Variants in ME1 observed in about 807,000 individuals in gnomAD.
The protein encoded by ME1 is malic enzyme 1.
Under a neutral mutation model 66.4 loss-of-function variants are expected in ME1, and 74 were observed. That is an observed-to-expected ratio of 1.11 (90% CI 0.92 to 1.35). The LOEUF is 1.35. Ranked by LOEUF, ME1 falls within the 40% of genes most tolerant of loss-of-function variation. The pLI is 0.00. For synonymous variants in ME1, 251 were observed against 235.6 expected, an observed-to-expected ratio of 1.07 and a Z score of -0.60; for missense variants, 750 against 694.1, an observed-to-expected ratio of 1.08 and a Z score of -0.90.
At chr6:83,253,798 T>C in intron 6 of ME1, 60 bp from the exon 7 acceptor site, 1 of 862,802 alleles carries the variant, frequency 1.2e-6, no homozygotes, top group Non-Finnish European at 1.9e-6. Flanking sequence ...AAAAATAAAC[T>C]TTTAAAATTA....
Position 83,210,561 on chromosome 6 carries a change from C to G in ME1, c.*1363G>C, listed in dbSNP as rs1789854982. 3 of 152,486 alleles carry G rather than the reference C, an allele frequency of 2.0e-5. No individual in the cohort carries two copies. In the South Asian group the frequency reaches 6.2e-4, roughly 32 times the overall value. 9.4% of individuals were successfully genotyped at this position (152,486 alleles called of 1,614,324 possible). ...TCCAAATAACTATTTTGAGGAAACT[C>G]TTGACTATATGTTACCTTTAGAAAT... On this transcript the variant is annotated 3_prime_UTR_variant, in exon 14 of 14. Coordinates refer to ENST00000369705, the MANE Select transcript of ME1 (RefSeq NM_002395.6).
chr6:83,259,862 G>C (rs1766852790), intron 6 of ME1, among the ~76,000 whole-genome samples: 1 of 152,022 alleles, frequency 6.6e-6, no homozygotes, highest in Non-Finnish European at 1.5e-5. Flanking sequence ...AAATGATGAA[G>C]ATTCAGCCAT....
chr6:83,324,693 G>A (rs1217576564), intron 5 of ME1, among the ~76,000 whole-genome samples: 3 of 112,342 alleles, frequency 2.7e-5, no homozygotes, highest in East Asian at 2.9e-4. Context: ...TAAAACTGTG[G>A]TATTAATTAA....
At chr6:83,304,882 CA>C (rs1343403980) in intron 6 of ME1, among the ~76,000 whole-genome samples, 2 of 152,112 alleles carry the variant, frequency 1.3e-5, no homozygotes, top group Non-Finnish European at 2.9e-5. Flanking sequence ...TCAGCTCAAA[CA>C]ATATTTACTA....
chr6:83,430,820 G>A (rs980464342), intron 1 of ME1, 57 bp downstream of exon 1: 1 of 1,445,232 alleles, frequency 6.9e-7, no homozygotes, highest in Non-Finnish European at 9.5e-7. Context: ...CCTGCAAGAG[G>A]GCCCTGACCC....
At chr6:83,375,117 T>C (rs190379719) in intron 3 of ME1, among the ~76,000 whole-genome samples, 5 of 152,326 alleles carry the variant, frequency 3.3e-5, no homozygotes, top group African/African-American at 9.6e-5. Context: ...AAGTAGTTTT[T>C]CTAATTCTGT....
intron 6 of ME1, among the ~76,000 whole-genome samples, chr6:83,311,118 T>C (rs1307042277): frequency 6.6e-6 from 1 of 152,104 alleles, no homozygotes; most frequent in Non-Finnish European, 1.5e-5. Flanking sequence ...GCCCCTTAAC[T>C]ACCATCTACC....
At position 83,349,008 on chromosome 6, in the gene ME1, AC is replaced by A. The variant is rs201023893; in HGVS notation, c.439-2675del. On this transcript the variant is annotated intron_variant, in intron 4 of 13. Transcript: ENST00000369705. ...TCAAAAAAAAAAAAAAAAACAAAAAACAAAAAACAGTGCATTCTTTCTTATT... is the reference window on the plus strand; with the variant it reads ...TCAAAAAAAAAAAAAAAAACAAAAAAAAAAAACAGTGCATTCTTTCTTATT... Among the ~76,000 whole-genome samples the A allele has an allele frequency of 3.0e-4, 44 of 147,570 alleles. 4 individuals carry two copies. The highest frequency in any genetic ancestry group is 3.5e-3 in the Middle Eastern group (1 of 282).
intron 6 of ME1, among the ~76,000 whole-genome samples, chr6:83,309,048 G>T (rs115872801): frequency 0.014 from 2,188 of 152,190 alleles, 53 homozygotes; most frequent in African/African-American, 0.049. Flanking sequence ...GTGGGCAAGG[G>T]GGGAAACTAG....
At chr6:83,382,273 C>T (rs779704107) in intron 3 of ME1, among the ~76,000 whole-genome samples, 50 of 152,018 alleles carry the variant, frequency 3.3e-4, no homozygotes, top group Non-Finnish European at 4.9e-4. Flanking sequence ...TTTACCTATT[C>T]TCAATGCTTG....
intron 2 of ME1, 152 bp from the exon 3 acceptor site, chr6:83,398,668 T>C (rs2128550768): frequency 6.2e-6 from 3 of 484,830 alleles, no homozygotes; most frequent in South Asian, 7.5e-5. Flanking sequence ...TATTCTTTTC[T>C]TTTTCTTTAC....
chr6:83,315,717 G>A (rs1768018563), intron 5 of ME1, among the ~76,000 whole-genome samples: 1 of 152,086 alleles, frequency 6.6e-6, no homozygotes, highest in Non-Finnish European at 1.5e-5. Flanking sequence ...GGTAACAACA[G>A]TGAAACCCTG....
intron 3 of ME1, among the ~76,000 whole-genome samples, chr6:83,389,731 A>C (rs569136258): frequency 6.6e-6 from 1 of 152,260 alleles, no homozygotes; most frequent in South Asian, 2.1e-4. Context: ...AAAAAGTTTC[A>C]CAAAATACAG....
At chr6:83,314,052 G>GAAAAACCAAAACAAAA (rs1287687118) in intron 6 of ME1, among the ~76,000 whole-genome samples, 1 of 152,138 alleles carries the variant, frequency 6.6e-6, no homozygotes, top group Non-Finnish European at 1.5e-5. Context: ...TTATTTCTAA[G>GAAAAACCAAAACAAAA]AAAAACCAAG....
chr6:83,397,279 C>T (rs149795536), intron 3 of ME1, among the ~76,000 whole-genome samples: 1 of 152,154 alleles, frequency 6.6e-6, no homozygotes, highest in East Asian at 1.9e-4. Context: ...AACTCAGTAA[C>T]AAGAAAACAA....
intron 5 of ME1, among the ~76,000 whole-genome samples, chr6:83,340,898 G>T (rs1203843675): frequency 6.6e-6 from 1 of 151,716 alleles, no homozygotes; most frequent in Non-Finnish European, 1.5e-5. Context: ...CTTTTTGTCT[G>T]TTTGCCTCTT....
chr6:83,313,662 C>T (rs1434618996), intron 6 of ME1, among the ~76,000 whole-genome samples: 2 of 152,192 alleles, frequency 1.3e-5, no homozygotes, highest in Non-Finnish European at 2.9e-5. Flanking sequence ...ATTAATGTTG[C>T]TACTGAGGAA....
intron 5 of ME1, among the ~76,000 whole-genome samples, chr6:83,332,563 T>C (rs1417986881): frequency 6.6e-6 from 1 of 152,212 alleles, no homozygotes; most frequent in Non-Finnish European, 1.5e-5. Context: ...TATCATAGTA[T>C]ACCACTCAGT....
intron 9 of ME1, among the ~76,000 whole-genome samples, chr6:83,237,302 A>G (rs186078214): frequency 0.017 from 1,292 of 74,240 alleles, 72 homozygotes; most frequent in African/African-American, 0.073. Flanking sequence ...GAAAGAAAGA[A>G]AAAGAAAGAA....
Sources: allele counts gnomAD v4.1 joint callset (sites outside exome capture counted in the v4.1 genomes callset), GRCh38; gene constraint gnomAD v4.1.1; transcripts MANE v1.5; gene names NCBI Gene and HGNC (gene_info 2026-07-23, HGNC 2026-07-21).